NHERF1: variants seen among roughly 807,000 people sequenced by gnomAD.
The protein encoded by NHERF1 is NHERF family PDZ scaffold protein 1.
chr17:74,763,560 C>A, the NHERF1 span: 1 of 1,553,358 alleles, frequency 6.4e-7, no homozygotes, highest in Non-Finnish European at 8.7e-7. Flanking sequence ...GGGGCTGGAG[C>A]CCCCCAAGTC....
chr17:74,768,823 AGGT>A, the NHERF1 span: 1 of 646,558 alleles, frequency 1.5e-6, no homozygotes, highest in Non-Finnish European at 2.7e-6. Context: ...ACTTTAGGGA[AGGT>A]GAATGTGTTC....
At chr17:74,766,353 T>C in the NHERF1 span, among the ~76,000 whole-genome samples, 999 of 152,106 alleles carry the variant, frequency 6.6e-3, 14 homozygotes, top group African/African-American at 0.023. Context: ...TGTGCCACCA[T>C]GCCCAGCTAA....
At chr17:74,765,617 T>G in the NHERF1 span, among the ~76,000 whole-genome samples, 1 of 150,262 alleles carries the variant, frequency 6.7e-6, no homozygotes, top group Admixed American at 6.7e-5. Flanking sequence ...AATGGCACAA[T>G]CTTGGCTCAC....
chr17:74,757,322 G>A, the NHERF1 span, among the ~76,000 whole-genome samples: 24 of 152,280 alleles, frequency 1.6e-4, 1 homozygote, highest in South Asian at 4.6e-3. Context: ...AAGAGATCAA[G>A]GGCTAGGAGC....
chr17:74,760,583 C>T, the NHERF1 span, among the ~76,000 whole-genome samples: 6 of 152,256 alleles, frequency 3.9e-5, no homozygotes, highest in East Asian at 1.9e-4. The surrounding 1 kb of genome is among the most constrained non-coding windows in gnomAD (Gnocchi z 4.5). Flanking sequence ...CCCTCCTGGG[C>T]GCGCCTTCCC....
the NHERF1 span, among the ~76,000 whole-genome samples, chr17:74,760,201 C>T: frequency 2.0e-5 from 3 of 152,204 alleles, no homozygotes; most frequent in Admixed American, 6.5e-5. This position sits in a 1 kb window ranked among gnomAD's most constrained non-coding sequence, Gnocchi z 4.5. Flanking sequence ...GAACAAGATC[C>T]CACAGGGCTG....
At chr17:74,748,826 G>T in the NHERF1 span, 1 of 1,577,978 alleles carries the variant, frequency 6.3e-7, no homozygotes, top group Non-Finnish European at 8.6e-7. The surrounding 1 kb of genome is among the most constrained non-coding windows in gnomAD (Gnocchi z 4.3). Context: ...AAGTCGCGCC[G>T]CTGACCCGTC....
At chr17:74,760,603 G>A in the NHERF1 span, among the ~76,000 whole-genome samples, 2 of 152,018 alleles carry the variant, frequency 1.3e-5, no homozygotes, top group African/African-American at 2.4e-5. The surrounding 1 kb of genome is among the most constrained non-coding windows in gnomAD (Gnocchi z 4.5). Flanking sequence ...CACCCCTCTC[G>A]GCCCTCTCCA....
the NHERF1 span, among the ~76,000 whole-genome samples, chr17:74,756,030 T>G: frequency 6.7e-6 from 1 of 150,092 alleles, no homozygotes; most frequent in Non-Finnish European, 1.5e-5. Context: ...CTCGGCTCAC[T>G]GCAAGCTCCA....
chr17:74,766,872 A>C, the NHERF1 span: 15 of 1,505,886 alleles, frequency 1.0e-5, no homozygotes, highest in African/African-American at 1.4e-5. Context: ...CCCAACTCCT[A>C]CCTCCTCTCC....
the NHERF1 span, chr17:74,762,303 G>T: frequency 2.1e-6 from 1 of 466,084 alleles, no homozygotes; most frequent in Non-Finnish European, 4.3e-6. The surrounding 1 kb of genome is among the most constrained non-coding windows in gnomAD (Gnocchi z 4.2). Context: ...CTGCTGGATG[G>T]ATGGGTGGAT....
the NHERF1 span, chr17:74,768,226 C>G: frequency 6.2e-7 from 1 of 1,612,608 alleles, no homozygotes; most frequent in Non-Finnish European, 8.5e-7. Flanking sequence ...TCCAGTGACA[C>G]CAGCGAGGAG....
the NHERF1 span, among the ~76,000 whole-genome samples, chr17:74,761,232 CTT>C: frequency 6.6e-6 from 1 of 152,158 alleles, no homozygotes; most frequent in Non-Finnish European, 1.5e-5. The surrounding 1 kb of genome is among the most constrained non-coding windows in gnomAD (Gnocchi z 4.3). Flanking sequence ...CCCAGCCCTG[CTT>C]TTCCCAGTCC....
chr17:74,760,681 T>A, the NHERF1 span, among the ~76,000 whole-genome samples: 1 of 152,030 alleles, frequency 6.6e-6, no homozygotes, highest in African/African-American at 2.4e-5. This position sits in a 1 kb window ranked among gnomAD's most constrained non-coding sequence, Gnocchi z 4.5. Flanking sequence ...AGAATCTCAC[T>A]CCCAGCTTCC....
the NHERF1 span, chr17:74,761,886 G>C: frequency 1.1e-6 from 1 of 921,368 alleles, no homozygotes; most frequent in Non-Finnish European, 1.7e-6. This position sits in a 1 kb window ranked among gnomAD's most constrained non-coding sequence, Gnocchi z 4.3. Flanking sequence ...TTGCTGTGTA[G>C]GGATCTAGGC....
At chr17:74,762,700 G>A in the NHERF1 span, among the ~76,000 whole-genome samples, 4 of 152,106 alleles carry the variant, frequency 2.6e-5, no homozygotes, top group Non-Finnish European at 5.9e-5. This position sits in a 1 kb window ranked among gnomAD's most constrained non-coding sequence, Gnocchi z 4.2. Flanking sequence ...TGGGATTACA[G>A]GTGCCCACCA....
the NHERF1 span, chr17:74,768,565 T>TG: frequency 1.1e-5 from 17 of 1,611,556 alleles, no homozygotes; most frequent in South Asian, 1.6e-4. Flanking sequence ...TCCCTGGCCA[T>TG]GGCCAAAGAG....
the NHERF1 span, chr17:74,768,623 G>A: frequency 1.9e-6 from 3 of 1,613,970 alleles, no homozygotes; most frequent in Admixed American, 1.7e-5. Context: ...AGATGGACTG[G>A]AGCAAGAAAA....
the NHERF1 span, chr17:74,763,224 A>T: frequency 1.4e-6 from 1 of 698,804 alleles, no homozygotes; most frequent in Non-Finnish European, 2.4e-6. Context: ...CTCTGCAGAA[A>T]TGGCGGGGGT....
Sources: allele counts gnomAD v4.1 joint callset (sites outside exome capture counted in the v4.1 genomes callset), GRCh38; gene constraint gnomAD v4.1.1; non-coding constraint Gnocchi (gnomAD v3.1); transcripts MANE v1.5; gene names NCBI Gene and HGNC (gene_info 2026-07-23, HGNC 2026-07-21).